CEP128: variants seen among roughly 807,000 people sequenced by gnomAD.
CEP128 encodes centrosomal protein 128kDa.
In CEP128, 132 loss-of-function variants were observed where a neutral mutation model predicts 156.7. That is an observed-to-expected ratio of 0.84 (90% confidence interval 0.73 to 0.97). The LOEUF (loss-of-function observed/expected upper bound fraction) is 0.97. CEP128 is among the 50% of genes least tolerant of loss of function. The pLI is 0.00. For missense variants in CEP128, 1,252 were observed against 1,281.9 expected (o/e 0.98, Z 0.36); for synonymous variants, 469 against 448.9 (o/e 1.04, Z -0.57).
chr14:80,816,486 C>A (rs1361455135), intron 13 of CEP128, among the ~76,000 whole-genome samples: 1 of 152,150 alleles, frequency 6.6e-6, no homozygotes, highest in Non-Finnish European at 1.5e-5. Context: ...GAATGTTCTA[C>A]AACAGAAGAG....
chr14:80,516,736 T>C (rs1051062240), intron 23 of CEP128, among the ~76,000 whole-genome samples: 1 of 152,144 alleles, frequency 6.6e-6, no homozygotes, highest in Non-Finnish European at 1.5e-5. Flanking sequence ...TGAGTTCCCA[T>C]GCAAAGTTCC....
chr14:80,854,362 AG>A (rs1887041623), intron 9 of CEP128, among the ~76,000 whole-genome samples: 1 of 152,216 alleles, frequency 6.6e-6, no homozygotes, highest in African/African-American at 2.4e-5. Flanking sequence ...GGCAAAAAAA[AG>A]GAAAAAACAA....
intron 23 of CEP128, among the ~76,000 whole-genome samples, chr14:80,512,474 T>C (rs1252048225): frequency 6.6e-6 from 1 of 152,042 alleles, no homozygotes; most frequent in Non-Finnish European, 1.5e-5. Context: ...CATATGTCTT[T>C]ATAGGTGAAG....
chr14:80,546,490 A>G (rs1056569664), intron 21 of CEP128, among the ~76,000 whole-genome samples: 13 of 152,224 alleles, frequency 8.5e-5, no homozygotes, highest in Admixed American at 2.6e-4. Context: ...GGAGCTTTGA[A>G]GTATTTCACA....
chr14:80,870,639 A>G (rs1252296899), intron 8 of CEP128, among the ~76,000 whole-genome samples: 1 of 152,148 alleles, frequency 6.6e-6, no homozygotes, highest in Non-Finnish European at 1.5e-5. Context: ...CAGCTAACAT[A>G]GTACTCAACA....
intron 14 of CEP128, among the ~76,000 whole-genome samples, chr14:80,483,040 T>C (rs7149914): frequency 0.49 from 74,162 of 151,988 alleles, 19,090 homozygotes; most frequent in East Asian, 0.69. Context: ...TGACCTGCCA[T>C]ATCCTATAGG....
intron 21 of CEP128, among the ~76,000 whole-genome samples, chr14:80,552,607 T>C (rs996567242): frequency 2.0e-5 from 3 of 152,198 alleles, no homozygotes; most frequent in Non-Finnish European, 4.4e-5. Context: ...GTAAAATATA[T>C]ACATACAGTT....
intron 2 of CEP128, among the ~76,000 whole-genome samples, chr14:80,936,804 A>T (rs1885832805): frequency 6.6e-6 from 1 of 152,184 alleles, no homozygotes; most frequent in Non-Finnish European, 1.5e-5. Context: ...CTAAATAATT[A>T]CAAATTAAAA....
At chr14:80,548,761 G>A (rs1025354231) in intron 21 of CEP128, among the ~76,000 whole-genome samples, 1 of 152,186 alleles carries the variant, frequency 6.6e-6, no homozygotes, top group African/African-American at 2.4e-5. Context: ...ATACGACACT[G>A]TCAGTCTGAC....
At chr14:80,772,985 C>G (rs542317132) in intron 16 of CEP128, among the ~76,000 whole-genome samples, 1 of 152,276 alleles carries the variant, frequency 6.6e-6, no homozygotes, top group East Asian at 1.9e-4. Flanking sequence ...AGGCGTAAGA[C>G]AGCATCTTTT....
chr14:80,641,191 T>C (rs1009304860), intron 19 of CEP128, among the ~76,000 whole-genome samples: 20 of 152,210 alleles, frequency 1.3e-4, no homozygotes, highest in Non-Finnish European at 2.4e-4. Flanking sequence ...ACCATCTTCA[T>C]ATCTCCAGCA....
intron 22 of CEP128, among the ~76,000 whole-genome samples, chr14:80,528,760 C>A (rs77121427): frequency 0.013 from 2,016 of 152,234 alleles, 53 homozygotes; most frequent in African/African-American, 0.045. Context: ...CAGATGAATG[C>A]GGACATATCT....
chr14:80,477,570 A>G (rs1378908648), exon 15 of CEP128: 1 of 152,186 alleles, frequency 6.6e-6, no homozygotes, highest in Non-Finnish European at 1.5e-5. Flanking sequence ...ATGCATTTCT[A>G]TTTTGATGAC....
At chr14:80,686,008 A>G (rs7150518) in intron 19 of CEP128, among the ~76,000 whole-genome samples, 11,298 of 152,140 alleles carry the variant, frequency 0.074, 583 homozygotes, top group South Asian at 0.23. Context: ...TGAGAATCCT[A>G]GAAGAAAACC....
At chr14:80,949,262 G>A (rs1199699391) in intron 2 of CEP128, among the ~76,000 whole-genome samples, 1 of 152,154 alleles carries the variant, frequency 6.6e-6, no homozygotes, top group African/African-American at 2.4e-5. Context: ...CAAGGAGAGC[G>A]AACCCAGGCA....
chr14:80,736,519 T>TAC (rs60552397), intron 19 of CEP128, among the ~76,000 whole-genome samples: 8,458 of 149,664 alleles, frequency 0.057, 389 homozygotes, highest in South Asian at 0.23. Context: ...TACACACACA[T>TAC]ACACACACAC....
At chr14:80,608,678 A>T (rs1040883042) in intron 19 of CEP128, among the ~76,000 whole-genome samples, 3 of 151,930 alleles carry the variant, frequency 2.0e-5, no homozygotes, top group East Asian at 3.9e-4. Flanking sequence ...CTAAATCTAC[A>T]TCTGTTTCTT....
In CEP128 at chr14:80,957,466, CAA is replaced by C. The variant is rs11305793; in HGVS notation, c.-172+710_-172+711del. On this transcript the variant is annotated intron_variant, in intron 2 of 7. Transcript: ENST00000555529. ...GAACTACTTAGACACTCAGAAAAAA[CAA>C]AAAAAAAAAAACTTAAGTGAATAAA... 3.2e-3 allele frequency among the ~76,000 whole-genome samples: 468 copies of C among 144,366 alleles called. 2 individuals carry two copies. Among genetic ancestry groups the C allele is most frequent in the African/African-American group, 0.01 (411 of 39,404 alleles). The allele number at this position is 144,366 out of a possible 152,430, so 94.7% of individuals were successfully genotyped here.
intron 23 of CEP128, 29 bp from the exon 24 acceptor site, chr14:80,505,049 T>C: frequency 4.1e-6 from 5 of 1,209,274 alleles, no homozygotes; most frequent in Non-Finnish European, 4.8e-6. Flanking sequence ...AGCATTTCAA[T>C]GATTACACAA....
Sources: allele counts gnomAD v4.1 joint callset (sites outside exome capture counted in the v4.1 genomes callset), GRCh38; gene constraint gnomAD v4.1.1; transcripts MANE v1.5; gene names NCBI Gene and HGNC (gene_info 2026-07-23, HGNC 2026-07-21).